CACNG3: variants seen among roughly 807,000 people sequenced by gnomAD.
CACNG3 encodes voltage-dependent calcium channel gamma-3 subunit.
CACNG3 carries 3 observed loss-of-function variants against 28.5 expected under a neutral mutation model. That is an observed-to-expected ratio of 0.11 (90% CI 0.05 to 0.27). CACNG3 has a LOEUF of 0.27. Ranked by LOEUF, CACNG3 falls within the 10% of genes least tolerant of loss-of-function variation. CACNG3 has a pLI of 1.00. For missense variants in CACNG3, 236 were observed against 414.4 expected, an observed-to-expected ratio of 0.57 and a Z score of 3.74; for synonymous variants, 174 against 162.2, an observed-to-expected ratio of 1.07 and a Z score of -0.55.
At chr16:24,296,024 C>T (rs994074289) in intron 1 of CACNG3, among the ~76,000 whole-genome samples, 4 of 152,212 alleles carry the variant, frequency 2.6e-5, no homozygotes, top group Non-Finnish European at 5.9e-5. Context: ...GCTCTACTGC[C>T]TCTAAGGAGG....
intron 2 of CACNG3, among the ~76,000 whole-genome samples, chr16:24,353,500 C>A (rs1487955006): frequency 2.0e-5 from 3 of 152,290 alleles, no homozygotes; most frequent in East Asian, 3.9e-4. Flanking sequence ...GGCCCCTCTC[C>A]CAGGACCTTA....
chr16:24,317,602 G>GAAAGAAAGAAAGAAAGAAAGAAAGGA (rs1899377464), intron 1 of CACNG3, among the ~76,000 whole-genome samples: 1 of 62,516 alleles, frequency 1.6e-5, no homozygotes, highest in African/African-American at 7.6e-5. Context: ...AAGAAAGAAA[G>GAAAGAAAGAAAGAAAGAAAGAAAGGA]AAAGAAAGAA....
At chr16:24,292,061 G>A (rs1428324458) in intron 1 of CACNG3, among the ~76,000 whole-genome samples, 1 of 152,118 alleles carries the variant, frequency 6.6e-6, no homozygotes, top group Non-Finnish European at 1.5e-5. Context: ...GAACGTTAGG[G>A]TAACAGATGA....
chr16:24,350,295 T>A (rs547206689), intron 2 of CACNG3, among the ~76,000 whole-genome samples: 2 of 151,908 alleles, frequency 1.3e-5, no homozygotes, highest in Non-Finnish European at 1.5e-5. Context: ...GTATCTCCTA[T>A]CCACATGTTT....
At chr16:24,299,373 C>T (rs1286849497) in intron 1 of CACNG3, among the ~76,000 whole-genome samples, 3 of 152,258 alleles carry the variant, frequency 2.0e-5, no homozygotes, top group Non-Finnish European at 2.9e-5. Flanking sequence ...AAGCAGCCCC[C>T]ATCAATGAGT....
chr16:24,359,634 G>A (rs1261647562), intron 3 of CACNG3, among the ~76,000 whole-genome samples: 1 of 152,164 alleles, frequency 6.6e-6, no homozygotes, highest in South Asian at 2.1e-4. Context: ...GGCCAGGGTG[G>A]GAGGATCACT....
intron 1 of CACNG3, among the ~76,000 whole-genome samples, chr16:24,271,888 G>C (rs1190332845): frequency 6.6e-6 from 1 of 152,092 alleles, no homozygotes; most frequent in East Asian, 1.9e-4. Context: ...GTTCACAGTA[G>C]GTGCTCAAAA....
At chr16:24,330,949 G>T (rs1899623758) in intron 1 of CACNG3, among the ~76,000 whole-genome samples, 1 of 152,110 alleles carries the variant, frequency 6.6e-6, no homozygotes, top group Non-Finnish European at 1.5e-5. Flanking sequence ...CACACATCTG[G>T]TTTTTTTCCA....
chr16:24,263,772 T>G (rs1898564157), intron 1 of CACNG3, among the ~76,000 whole-genome samples: 1 of 152,256 alleles, frequency 6.6e-6, no homozygotes, highest in Non-Finnish European at 1.5e-5. Flanking sequence ...CATTTCTTCT[T>G]ACCTCTAAAT....
At chr16:24,284,639 T>C (rs1231671879) in intron 1 of CACNG3, among the ~76,000 whole-genome samples, 1 of 152,194 alleles carries the variant, frequency 6.6e-6, no homozygotes, top group Non-Finnish European at 1.5e-5. Context: ...TTTCTTAATG[T>C]ATTTTTTAAG....
chr16:24,263,424 A>T (rs1421188404), intron 1 of CACNG3, among the ~76,000 whole-genome samples: 1 of 152,246 alleles, frequency 6.6e-6, no homozygotes, highest in African/African-American at 2.4e-5. Flanking sequence ...TGGAAGCATC[A>T]TCCAATGAAA....
intron 1 of CACNG3, among the ~76,000 whole-genome samples, chr16:24,342,195 G>C (rs1483451838): frequency 6.6e-6 from 1 of 152,146 alleles, no homozygotes; most frequent in Non-Finnish European, 1.5e-5. Flanking sequence ...TTGAACCCAG[G>C]AGGTGGAGGT....
chr16:24,330,337 C>A (rs1475184860), intron 1 of CACNG3, among the ~76,000 whole-genome samples: 5 of 152,210 alleles, frequency 3.3e-5, no homozygotes, highest in African/African-American at 1.2e-4. Flanking sequence ...CCCAAATCTT[C>A]TAAGAGGAAA....
At chr16:24,327,438 G>GTA (rs1217768689) in intron 1 of CACNG3, among the ~76,000 whole-genome samples, 110 of 127,884 alleles carry the variant, frequency 8.6e-4, no homozygotes, top group East Asian at 3.6e-3. Flanking sequence ...GTGTGTGTGT[G>GTA]TATATATATA....
chr16:24,278,534 T>C (rs956632107), intron 1 of CACNG3, among the ~76,000 whole-genome samples: 1 of 152,146 alleles, frequency 6.6e-6, no homozygotes, highest in South Asian at 2.1e-4. Context: ...GAGAATTGCT[T>C]GAACCTGGGA....
intron 1 of CACNG3, among the ~76,000 whole-genome samples, chr16:24,335,289 G>A (rs952315752): frequency 3.3e-5 from 5 of 151,930 alleles, no homozygotes; most frequent in South Asian, 2.1e-4. Flanking sequence ...GCGTGGTGGC[G>A]GGCACCTGTA....
intron 3 of CACNG3, among the ~76,000 whole-genome samples, chr16:24,358,551 T>A (rs1406744756): frequency 3.9e-5 from 6 of 152,192 alleles, no homozygotes; most frequent in Non-Finnish European, 8.8e-5. Context: ...TCAACAAATA[T>A]GCACTGCCCT....
At chr16:24,314,402 C>G (rs996388769) in intron 1 of CACNG3, among the ~76,000 whole-genome samples, 1 of 152,156 alleles carries the variant, frequency 6.6e-6, no homozygotes, top group African/African-American at 2.4e-5. Flanking sequence ...TCAGGTCAGT[C>G]CAGCAGCCAC....
intron 1 of CACNG3, among the ~76,000 whole-genome samples, chr16:24,271,249 C>T (rs1898686363): frequency 6.6e-6 from 1 of 152,324 alleles, no homozygotes; most frequent in Middle Eastern, 3.4e-3. Flanking sequence ...AGGCTTTTAA[C>T]ACTTTTGCCT....
Sources: gnomAD v4.1 joint callset for allele counts (sites outside exome capture counted in the v4.1 genomes callset) on GRCh38, gnomAD v4.1.1 for gene constraint, MANE v1.5 for transcripts, NCBI Gene and HGNC (gene_info 2026-07-23, HGNC 2026-07-21) for gene names.